TSPAN14: variants seen among roughly 807,000 people sequenced by gnomAD.
TSPAN14 encodes tetraspanin-14.
A neutral mutation model predicts 36.6 loss-of-function variants in TSPAN14; 16 were observed. The ratio of observed to expected loss-of-function variants is 0.44; its 90% CI spans 0.30 to 0.66. The LOEUF (loss-of-function observed/expected upper bound fraction) is 0.66, where lower values mean the gene tolerates loss of function less well. TSPAN14 is among the 30% of genes least tolerant of loss of function. The pLI is 0.12. For missense variants in TSPAN14, 231 were observed against 355.1 expected, an observed-to-expected ratio of 0.65 and a Z score of 2.81; for synonymous variants, 139 against 143.8, an observed-to-expected ratio of 0.97 and a Z score of 0.24.
chr10:80,516,155 G>C (rs567730187), intron 7 of TSPAN14, 49 bp from the exon 8 acceptor site: 1 of 1,613,248 alleles, frequency 6.2e-7, no homozygotes, highest in South Asian at 1.1e-5. Flanking sequence ...GATCAGGTGG[G>C]GACATCGTGT....
chr10:80,457,793 G>A (rs1235405206), intron 1 of TSPAN14, among the ~76,000 whole-genome samples: 2 of 152,190 alleles, frequency 1.3e-5, no homozygotes, highest in East Asian at 1.9e-4. Context: ...GACAGATCAC[G>A]GTTTGCTGTG....
At chr10:80,507,446 T>A in intron 4 of TSPAN14, 72 bp downstream of exon 4, 1 of 1,601,126 alleles carries the variant, frequency 6.2e-7, no homozygotes, top group Non-Finnish European at 8.5e-7. Flanking sequence ...GGATTATATG[T>A]TACCTGGTCA....
chr10:80,471,277 T>C (rs900201062), intron 1 of TSPAN14, among the ~76,000 whole-genome samples: 1 of 152,036 alleles, frequency 6.6e-6, no homozygotes, highest in African/African-American at 2.4e-5. Flanking sequence ...CAAAAGTCTT[T>C]TCACCCCATG....
intron 2 of TSPAN14, among the ~76,000 whole-genome samples, chr10:80,500,613 AGT>A (rs1459759001): frequency 1.3e-5 from 2 of 152,004 alleles, no homozygotes; most frequent in Non-Finnish European, 2.9e-5. Context: ...GGCCTCCCAA[AGT>A]GCCGAGATTT....
intron 1 of TSPAN14, among the ~76,000 whole-genome samples, chr10:80,467,043 G>A (rs1283714749): frequency 6.6e-6 from 1 of 152,340 alleles, no homozygotes; most frequent in South Asian, 2.1e-4. Context: ...CTGGGTTAGA[G>A]CTGTGGGGTG....
intron 1 of TSPAN14, among the ~76,000 whole-genome samples, chr10:80,469,984 C>T (rs1846453977): frequency 6.6e-6 from 1 of 152,256 alleles, no homozygotes; most frequent in South Asian, 2.1e-4. Flanking sequence ...TTGCATATAA[C>T]CTATGTACTT....
rs182251194 is a variant in TSPAN14 at position 80,494,155 on chromosome 10, T to C, written c.81+4841T>C. ...TTAAAAAAATTTTTTTTAAATGACA[T>C]TCTGCCATTGGCTTTCTCAGTGACT... On this transcript the variant is annotated intron_variant, in intron 2 of 8. Coordinates refer to ENST00000429989, the Ensembl canonical transcript of TSPAN14. 5.9e-5 allele frequency among the ~76,000 whole-genome samples: 9 copies of C among 152,376 alleles called. No individual in the cohort carries two copies. The South Asian group carries it at 1.9e-3, about 32-fold the overall frequency.
At chr10:80,455,860 T>G (rs1489608043) in intron 1 of TSPAN14, among the ~76,000 whole-genome samples, 1 of 152,100 alleles carries the variant, frequency 6.6e-6, no homozygotes, top group African/African-American at 2.4e-5. Flanking sequence ...ATTACAGGTG[T>G]GAGCCACCAC....
intron 1 of TSPAN14, among the ~76,000 whole-genome samples, chr10:80,483,604 G>T (rs1847412773): frequency 6.6e-6 from 1 of 151,992 alleles, no homozygotes; most frequent in Non-Finnish European, 1.5e-5. Flanking sequence ...TGGCAATTTT[G>T]TTAAATTAAA....
chr10:80,512,778 C>CT (rs1840728291), intron 6 of TSPAN14, among the ~76,000 whole-genome samples: 1 of 152,204 alleles, frequency 6.6e-6, no homozygotes, highest in Admixed American at 6.5e-5. Flanking sequence ...ACTGGAACCT[C>CT]TGTCTCCTGG....
At chr10:80,458,626 A>G (rs777836492) in intron 1 of TSPAN14, among the ~76,000 whole-genome samples, 65 of 152,256 alleles carry the variant, frequency 4.3e-4, no homozygotes, top group Non-Finnish European at 8.4e-4. Flanking sequence ...AGCTGCGTAG[A>G]ATGAAGTTTT....
intron 1 of TSPAN14, among the ~76,000 whole-genome samples, chr10:80,481,980 C>T (rs1047646686): frequency 3.3e-5 from 5 of 152,080 alleles, no homozygotes; most frequent in African/African-American, 1.2e-4. Flanking sequence ...GTCTCGATCT[C>T]CTGACCTCGT....
intron 1 of TSPAN14, among the ~76,000 whole-genome samples, chr10:80,484,740 A>AT (rs1251860483): frequency 2.6e-5 from 4 of 151,616 alleles, no homozygotes; most frequent in Non-Finnish European, 5.9e-5. Context: ...ATTCATGGGG[A>AT]TTTTTTAGAT....
At chr10:80,462,116 T>C (rs571770687) in intron 1 of TSPAN14, among the ~76,000 whole-genome samples, 1 of 152,286 alleles carries the variant, frequency 6.6e-6, no homozygotes, top group Non-Finnish European at 1.5e-5. Context: ...GATCTTGCTA[T>C]GTTGCCTAGG....
rs750522370 is a variant in TSPAN14 at position 80,520,552 on chromosome 10, A to C, written c.*2576A>C. Reference sequence around the variant, plus strand: ...CCTCACCATGCACATGCTAACTTTAAAGCCTTGGGGTCTTTCCTGTACCCC... The same window carrying C: ...CCTCACCATGCACATGCTAACTTTACAGCCTTGGGGTCTTTCCTGTACCCC... On this transcript the variant is annotated 3_prime_UTR_variant, in exon 9 of 9. Coordinates refer to ENST00000429989, the Ensembl canonical transcript of TSPAN14. 10 of 505,960 alleles carry C rather than the reference A, an allele frequency of 2.0e-5. No homozygotes were observed. The Middle Eastern group carries it at 1.0e-3, about 51-fold the overall frequency. 31.3% of individuals were successfully genotyped at this position (505,960 alleles called of 1,614,324 possible).
At chr10:80,488,400 C>G (rs891541676) in intron 1 of TSPAN14, among the ~76,000 whole-genome samples, 2 of 152,238 alleles carry the variant, frequency 1.3e-5, no homozygotes, top group African/African-American at 4.8e-5. Context: ...GGGTTAGACA[C>G]AGATAAAAAA....
intron 1 of TSPAN14, among the ~76,000 whole-genome samples, chr10:80,478,927 A>G (rs565689588): frequency 1.3e-5 from 2 of 152,126 alleles, no homozygotes; most frequent in South Asian, 2.1e-4. Flanking sequence ...AAGTGTTCCT[A>G]TTTCTCCACA....
chr10:80,492,678 T>C (rs1474399019), intron 2 of TSPAN14, among the ~76,000 whole-genome samples: 1 of 152,024 alleles, frequency 6.6e-6, no homozygotes, highest in Non-Finnish European at 1.5e-5. Flanking sequence ...TAGCCGGGCG[T>C]GGTGGTGGGC....
Position 80,482,431 on chromosome 10 carries a change from C to T in TSPAN14, c.-17-6786C>T, listed in dbSNP as rs1033234680. On this transcript the variant is annotated intron_variant, in intron 1 of 8. Coordinates refer to ENST00000429989, the Ensembl canonical transcript of TSPAN14. The stretch of plus-strand genomic sequence containing the variant: ...CCTCCCGAGTAGCTGGGATTACAGG[C>T]GCCCGCCACCACGCCTGGCTAATTT... Among the ~76,000 whole-genome samples, 5 of 151,018 alleles carry T rather than the reference C, an allele frequency of 3.3e-5. 1 individual carries two copies. The highest frequency in any genetic ancestry group is 1.2e-4 in the African/African-American group (5 of 40,422).
Sources: allele counts gnomAD v4.1 joint callset (sites outside exome capture counted in the v4.1 genomes callset), GRCh38; gene constraint gnomAD v4.1.1; transcripts MANE v1.5; gene names NCBI Gene and HGNC (gene_info 2026-07-23, HGNC 2026-07-21).